The following FBXL5 variants were observed in gnomAD, a reference collection of about 807,000 sequenced individuals.
FBXL5 encodes F-box and leucine rich repeat protein 5, also known as F-box/LRR-repeat protein 5.
In FBXL5, 26 loss-of-function variants were observed where a neutral mutation model predicts 78.3. That is an observed-to-expected ratio of 0.33 (90% CI 0.24 to 0.46). The LOEUF (loss-of-function observed/expected upper bound fraction) is 0.46. Among genes scored for constraint, FBXL5 ranks in the 20% least tolerant of loss-of-function variants. The pLI is 1.00. For missense variants in FBXL5, 710 were observed against 829.2 expected (o/e 0.86, Z 1.77); for synonymous variants, 295 against 282.5 (o/e 1.04, Z -0.45).
At chr4:15,636,252 T>C (rs1239933731) in intron 5 of FBXL5, 1 of 358,502 alleles carries the variant, frequency 2.8e-6, no homozygotes, top group African/African-American at 2.1e-5. Flanking sequence ...TCAATCTTTT[T>C]GCATCCCCTC....
At chr4:15,636,377 TA>T in intron 5 of FBXL5, 116 bp downstream of exon 5, 1 of 814,066 alleles carries the variant, frequency 1.2e-6, no homozygotes, top group Non-Finnish European at 1.7e-6. Flanking sequence ...CATCTAACTA[TA>T]AAATCTACTT....
chr4:15,654,593 A>G (rs1050776531), intron 1 of FBXL5, among the ~76,000 whole-genome samples: 2 of 152,246 alleles, frequency 1.3e-5, no homozygotes, highest in Non-Finnish European at 2.9e-5. Context: ...ACACATGAAG[A>G]GTGAAGGTTC....
intron 10 of FBXL5, 112 bp from the exon 11 acceptor site, chr4:15,605,911 G>C: frequency 1.4e-6 from 1 of 740,736 alleles, no homozygotes; most frequent in Non-Finnish European, 2.4e-6. Context: ...GTACTTATAT[G>C]ATAGAAGTAA....
rs151294507 is a variant in FBXL5 at position 15,676,644 on chromosome 4, T to A, written c.-284+4739A>T. On this transcript the variant is annotated intron_variant, in intron 1 of 4. Coordinates refer to the FBXL5 transcript ENST00000507899. ...GGGTCATACATTTCCTTCACAATAA[T>A]TCTGGCTGAGAGAAGGGTAGAGTGT... is the stretch of plus-strand genomic sequence containing the variant. Among the ~76,000 whole-genome samples, 761 of 152,034 alleles carry A rather than the reference T, an allele frequency of 5.0e-3. 6 individuals carry two copies. The highest frequency in any genetic ancestry group is 0.017 in the African/African-American group (714 of 41,468).
intron 1 of FBXL5, among the ~76,000 whole-genome samples, chr4:15,649,651 G>A (rs10005158): frequency 0.041 from 6,107 of 150,708 alleles, 395 homozygotes; most frequent in African/African-American, 0.14. Flanking sequence ...TTTGAAATCT[G>A]TTTATATAAA....
intron 10 of FBXL5, among the ~76,000 whole-genome samples, chr4:15,609,148 G>A (rs7685083): frequency 0.36 from 55,182 of 151,844 alleles, 10,145 homozygotes; most frequent in South Asian, 0.46. Context: ...TCACAAGGTA[G>A]TTCCCTTTAA....
intron 5 of FBXL5, among the ~76,000 whole-genome samples, chr4:15,634,220 T>G (rs1240943957): frequency 6.6e-6 from 1 of 152,152 alleles, no homozygotes; most frequent in Non-Finnish European, 1.5e-5. Context: ...GTCTTCCCTC[T>G]GTCACCCGGA....
Position 15,615,285 on chromosome 4 carries a change from G to A in FBXL5, c.1851-2871C>T, listed in dbSNP as rs1343833176. ...CACCCAGTCCCATCAACCACCCAAG[G>A]GCTGAGGAGTGCAAGCACACGGCGC... On this transcript the variant is annotated intron_variant, in intron 9 of 10. Coordinates refer to ENST00000341285, the MANE Select transcript of FBXL5 (RefSeq NM_012161.4). 3.9e-5 allele frequency among the ~76,000 whole-genome samples: 6 copies of A among 152,222 alleles called. No individual in the cohort carries two copies. In the East Asian group the frequency reaches 5.8e-4, roughly 15 times the overall value.
At chr4:15,638,064 A>G (rs1231116034) in intron 4 of FBXL5, among the ~76,000 whole-genome samples, 1 of 152,182 alleles carries the variant, frequency 6.6e-6, no homozygotes, top group Non-Finnish European at 1.5e-5. Flanking sequence ...AACTATAAAC[A>G]TAACTAATTT....
At chr4:15,639,386 C>T (rs1714607560) in intron 3 of FBXL5, among the ~76,000 whole-genome samples, 1 of 152,180 alleles carries the variant, frequency 6.6e-6, no homozygotes, top group African/African-American at 2.4e-5. Flanking sequence ...GAGAGTAGTA[C>T]CCAGTGTAGT....
At chr4:15,655,484 C>T, upstream of FBXL5, 15 of 743,870 alleles carry the variant, frequency 2.0e-5, no homozygotes, top group Non-Finnish European at 2.5e-5. Context: ...CGTGACCGGG[C>T]GCGCGCAGAG....
intron 10 of FBXL5, among the ~76,000 whole-genome samples, chr4:15,609,413 T>C (rs1280956676): frequency 1.3e-5 from 2 of 152,106 alleles, no homozygotes; most frequent in African/African-American, 4.8e-5. Context: ...TTGTTTTTAC[T>C]GAGTTCTAAG....
chr4:15,639,048 C>T (rs1714563602), intron 3 of FBXL5, among the ~76,000 whole-genome samples: 1 of 152,184 alleles, frequency 6.6e-6, no homozygotes, highest in South Asian at 2.1e-4. Context: ...CCTATAATCC[C>T]AGCTACTCGA....
At chr4:15,672,040 A>G (rs112027123) in intron 1 of FBXL5, among the ~76,000 whole-genome samples, 12 of 152,216 alleles carry the variant, frequency 7.9e-5, no homozygotes, top group Middle Eastern at 3.4e-3. Context: ...TGTGGATTTT[A>G]CCTTTCTAGG....
intron 9 of FBXL5, among the ~76,000 whole-genome samples, chr4:15,621,622 AC>A (rs1482564977): frequency 6.6e-6 from 1 of 152,344 alleles, no homozygotes; most frequent in African/African-American, 2.4e-5. Context: ...TAAGCTAGAT[AC>A]AAAAGGACAA....
chr4:15,652,328 G>T (rs1716177662), intron 1 of FBXL5, among the ~76,000 whole-genome samples: 1 of 152,266 alleles, frequency 6.6e-6, no homozygotes, highest in African/African-American at 2.4e-5. Context: ...TCCTAACAAT[G>T]ACTTGGGTTT....
chr4:15,645,278 A>G (rs1252586749), intron 1 of FBXL5, among the ~76,000 whole-genome samples: 2 of 152,176 alleles, frequency 1.3e-5, no homozygotes, highest in African/African-American at 2.4e-5. Context: ...TATTCCTACT[A>G]TACATAACAG....
chr4:15,610,818 A>T (rs1376032924), intron 10 of FBXL5, among the ~76,000 whole-genome samples: 1 of 152,100 alleles, frequency 6.6e-6, no homozygotes, highest in Non-Finnish European at 1.5e-5. Flanking sequence ...ATTCAAATGC[A>T]ACATACAAAT....
At chr4:15,653,531 C>T (rs1716397883) in intron 1 of FBXL5, among the ~76,000 whole-genome samples, 1 of 152,130 alleles carries the variant, frequency 6.6e-6, no homozygotes, top group African/African-American at 2.4e-5. Flanking sequence ...GACACACGCA[C>T]AAAATTTTCC....
Sources: allele counts gnomAD v4.1 joint callset (sites outside exome capture counted in the v4.1 genomes callset), GRCh38; gene constraint gnomAD v4.1.1; transcripts MANE v1.5; gene names NCBI Gene and HGNC (gene_info 2026-07-23, HGNC 2026-07-21).